KCNH1: variants seen among roughly 807,000 people sequenced by gnomAD.
The protein encoded by KCNH1 is potassium voltage-gated channel subfamily H member 1.
Under a neutral mutation model 69.2 loss-of-function variants are expected in KCNH1, and 27 were observed. The observed-to-expected ratio is 0.39, with a 90% CI of 0.29 to 0.54. The LOEUF (loss-of-function observed/expected upper bound fraction) is 0.54. Among genes scored for constraint, KCNH1 ranks in the 20% least tolerant of loss-of-function variants. KCNH1 has a pLI of 0.68. For synonymous variants in KCNH1, 456 were observed against 487.7 expected (o/e 0.93, Z 0.86); for missense variants, 798 against 1,261.6 (o/e 0.63, Z 5.57).
chr1:211,125,878 G>C (rs1355835169), intron 1 of KCNH1, among the ~76,000 whole-genome samples: 1 of 152,204 alleles, frequency 6.6e-6, no homozygotes. Flanking sequence ...CTGATCAAAA[G>C]AGTTGTCATT....
intron 6 of KCNH1, among the ~76,000 whole-genome samples, chr1:211,002,355 C>T (rs1054062328): frequency 7.1e-5 from 10 of 141,336 alleles, no homozygotes; most frequent in African/African-American, 2.1e-4. Flanking sequence ...TATATATATA[C>T]ACACACACAT....
At chr1:211,002,148 G>A in intron 6 of KCNH1, among the ~76,000 whole-genome samples, 1 of 151,694 alleles carries the variant, frequency 6.6e-6, no homozygotes, top group East Asian at 1.9e-4. Context: ...GTACACATAT[G>A]TAACAAACCT....
chr1:210,979,680 C>A (rs1417335344), intron 6 of KCNH1, among the ~76,000 whole-genome samples: 1 of 152,040 alleles, frequency 6.6e-6, no homozygotes, highest in Non-Finnish European at 1.5e-5. Flanking sequence ...TTATTTCAAG[C>A]ATTAGAGTGT....
chr1:210,848,527 C>T (rs1475928625), intron 7 of KCNH1, among the ~76,000 whole-genome samples: 1 of 152,164 alleles, frequency 6.6e-6, no homozygotes, highest in Non-Finnish European at 1.5e-5. Flanking sequence ...CATTACTGGC[C>T]TTCTATGATA....
intron 10 of KCNH1, among the ~76,000 whole-genome samples, chr1:210,713,703 A>G (rs184663751): frequency 7.9e-5 from 12 of 152,286 alleles, no homozygotes; most frequent in Non-Finnish European, 1.6e-4. Flanking sequence ...TTCAGCCCCA[A>G]TAAGTCCTTA....
At chr1:210,931,861 G>A (rs1341381967) in intron 6 of KCNH1, among the ~76,000 whole-genome samples, 2 of 149,268 alleles carry the variant, frequency 1.3e-5, no homozygotes, top group Non-Finnish European at 3.0e-5. Context: ...AAACAATCCA[G>A]GGTGTCAACA....
chr1:210,876,690 A>T (rs1686382139), intron 7 of KCNH1, among the ~76,000 whole-genome samples: 1 of 152,162 alleles, frequency 6.6e-6, no homozygotes, highest in Admixed American at 6.6e-5. Context: ...ATTTAACATA[A>T]ACAAGCTGAA....
At chr1:210,779,543 G>C (rs1683934566) in intron 9 of KCNH1, among the ~76,000 whole-genome samples, 1 of 152,144 alleles carries the variant, frequency 6.6e-6, no homozygotes, top group South Asian at 2.1e-4. Context: ...TTTCTTGTTT[G>C]CCAGTGTGTA....
Position 211,105,590 on chromosome 1 carries a change from ATAAGTT to A in KCNH1, c.203+1658_203+1663del, listed in dbSNP as rs1035037840. Reference sequence around the variant, plus strand: ...AGAAGGGATACCTTCGGGTAATTCAATAAGTTGCTAAAAACTGTGCATAAAAGAAAA... The same window carrying A: ...AGAAGGGATACCTTCGGGTAATTCAAGCTAAAAACTGTGCATAAAAGAAAA... On this transcript the variant is annotated intron_variant, in intron 2 of 10. Coordinates refer to ENST00000271751, the MANE Select transcript of KCNH1 (RefSeq NM_172362.3). Among the ~76,000 whole-genome samples, 632 of 152,340 alleles carry A rather than the reference ATAAGTT, an allele frequency of 4.1e-3. 4 individuals are homozygous for A. Among genetic ancestry groups the A allele is most frequent in the African/African-American group, 0.014 (591 of 41,586 alleles).
intron 9 of KCNH1, among the ~76,000 whole-genome samples, chr1:210,796,940 C>G (rs1408987965): frequency 1.3e-5 from 2 of 152,120 alleles, no homozygotes; most frequent in African/African-American, 2.4e-5. Context: ...TCCCAGTCAC[C>G]TAATGTGGCT....
chr1:210,868,563 C>A (rs1340651123), intron 7 of KCNH1, among the ~76,000 whole-genome samples: 1 of 151,976 alleles, frequency 6.6e-6, no homozygotes, highest in African/African-American at 2.4e-5. Flanking sequence ...TTTGAGTCTA[C>A]AGTAAAGGGT....
At chr1:210,716,961 C>G (rs1682271520) in intron 10 of KCNH1, among the ~76,000 whole-genome samples, 1 of 152,182 alleles carries the variant, frequency 6.6e-6, no homozygotes, top group Non-Finnish European at 1.5e-5. Context: ...AGAGGGCATA[C>G]AGCACTAAGT....
At chr1:211,077,674 T>C (rs1242060745) in intron 5 of KCNH1, among the ~76,000 whole-genome samples, 3 of 152,154 alleles carry the variant, frequency 2.0e-5, no homozygotes, top group Non-Finnish European at 4.4e-5. Flanking sequence ...GTAAAGACTA[T>C]AAATGCTAGG....
intron 7 of KCNH1, among the ~76,000 whole-genome samples, chr1:210,917,280 AAAAGAAAAG>A (rs1558524906): frequency 7.0e-6 from 1 of 142,578 alleles, no homozygotes; most frequent in East Asian, 2.1e-4. Flanking sequence ...AGAAAGAAAG[AAAAGAAAAG>A]AAAGAGAAAC....
chr1:211,074,931 T>G (rs1327297631), intron 5 of KCNH1, among the ~76,000 whole-genome samples: 1 of 152,196 alleles, frequency 6.6e-6, no homozygotes, highest in Non-Finnish European at 1.5e-5. Context: ...TTCTTTGCAA[T>G]AAATCTCTTA....
chr1:210,917,395 A>G (rs1293164983), intron 7 of KCNH1, among the ~76,000 whole-genome samples: 1 of 152,082 alleles, frequency 6.6e-6, no homozygotes, highest in Non-Finnish European at 1.5e-5. Context: ...GTGGGAAGAG[A>G]AAAGAGGCGG....
chr1:210,962,390 G>A (rs989313048), intron 6 of KCNH1, among the ~76,000 whole-genome samples: 14 of 152,084 alleles, frequency 9.2e-5, no homozygotes, highest in Admixed American at 7.2e-4. Context: ...GGCAGAAATG[G>A]AGTGTGTTCT....
At chr1:210,727,485 A>C (rs950897053) in intron 10 of KCNH1, among the ~76,000 whole-genome samples, 16 of 152,212 alleles carry the variant, frequency 1.1e-4, no homozygotes, top group Admixed American at 6.5e-4. Flanking sequence ...GGTGTGAGCC[A>C]CCAAAGCCTG....
chr1:210,754,611 C>G (rs1440298938), intron 10 of KCNH1, among the ~76,000 whole-genome samples: 1 of 151,866 alleles, frequency 6.6e-6, no homozygotes, highest in Non-Finnish European at 1.5e-5. Context: ...GTACCTCCCC[C>G]AACTCTCTCT....
Sources: allele counts gnomAD v4.1 joint callset (sites outside exome capture counted in the v4.1 genomes callset), GRCh38; gene constraint gnomAD v4.1.1; transcripts MANE v1.5; gene names NCBI Gene and HGNC (gene_info 2026-07-23, HGNC 2026-07-21).